The following TAFA5 variants were observed in gnomAD, a reference collection of about 807,000 sequenced individuals.
The protein encoded by TAFA5 is chemokine-like protein TAFA-5.
Under a neutral mutation model 15.3 loss-of-function variants are expected in TAFA5, and 6 were observed. The observed-to-expected ratio is 0.39, with a 90% CI of 0.21 to 0.77. The LOEUF (loss-of-function observed/expected upper bound fraction) is 0.77, where lower values mean the gene tolerates loss of function less well. TAFA5 is among the 30% of genes least tolerant of loss of function. The pLI, the probability that TAFA5 is intolerant of heterozygous loss-of-function variation, is 0.41. For synonymous variants in TAFA5, 103 were observed against 80.7 expected (o/e 1.28, Z -1.48); for missense variants, 161 against 193.1 (o/e 0.83, Z 0.98).
intron 1 of TAFA5, among the ~76,000 whole-genome samples, chr22:48,619,097 A>C (rs28627856): frequency 1.3e-5 from 2 of 152,172 alleles, no homozygotes; most frequent in African/African-American, 4.8e-5. Flanking sequence ...TTCAACCTCC[A>C]TGTCCTGATG....
intron 1 of TAFA5, among the ~76,000 whole-genome samples, chr22:48,524,099 T>G (rs1921698749): frequency 1.3e-5 from 2 of 152,220 alleles, no homozygotes; most frequent in Admixed American, 1.3e-4. Context: ...CTTATTTTAG[T>G]CCATTATGGC....
intron 1 of TAFA5, among the ~76,000 whole-genome samples, chr22:48,557,894 G>A (rs1923095240): frequency 6.6e-6 from 1 of 152,226 alleles, no homozygotes; most frequent in African/African-American, 2.4e-5. Context: ...GTCCCTTGAG[G>A]TCACAATGAG....
rs926521755 is a variant in TAFA5 at position 48,751,486 on chromosome 22, TAA to T, written c.*1646_*1647del. 2.6e-5 allele frequency: 4 copies of T among 152,198 alleles called. No homozygotes were observed. The highest frequency in any genetic ancestry group is 9.7e-5 in the African/African-American group (4 of 41,354). The allele number at this position is 152,198 out of a possible 1,614,324, so 9.4% of individuals were successfully genotyped here. ...GAGTATTATGCTAGTTCTATCCTAC[TAA>T]AAAAAACGTAAAAAAATAACTATAT... is the stretch of plus-strand genomic sequence containing the variant. On this transcript the variant is annotated 3_prime_UTR_variant, in exon 4 of 4. Coordinates refer to ENST00000402357, the MANE Select transcript of TAFA5 (RefSeq NM_001082967.3).
At chr22:48,539,495 G>T (rs552216929) in intron 1 of TAFA5, 2 of 471,072 alleles carry the variant, frequency 4.2e-6, no homozygotes, top group South Asian at 3.1e-5. Flanking sequence ...TCTTAAAGAC[G>T]GAGTTACATT....
chr22:48,638,098 G>T (rs1470059840), intron 1 of TAFA5, among the ~76,000 whole-genome samples: 1 of 152,086 alleles, frequency 6.6e-6, no homozygotes, highest in Non-Finnish European at 1.5e-5. Flanking sequence ...GGGTATCGGG[G>T]GCTCAGGGAA....
intron 1 of TAFA5, among the ~76,000 whole-genome samples, chr22:48,502,757 G>A (rs1484583333): frequency 2.1e-4 from 32 of 152,240 alleles, no homozygotes; most frequent in Non-Finnish European, 3.4e-4. Context: ...CCTGACCTCA[G>A]GTGATCCGCC....
chr22:48,741,215 C>T (rs915391039), intron 3 of TAFA5, among the ~76,000 whole-genome samples: 46 of 152,278 alleles, frequency 3.0e-4, no homozygotes, highest in African/African-American at 1.1e-3. Context: ...TCCTGCCCCC[C>T]GTTCCCACAC....
At chr22:48,732,117 T>G (rs996427420) in intron 3 of TAFA5, among the ~76,000 whole-genome samples, 1 of 152,184 alleles carries the variant, frequency 6.6e-6, no homozygotes, top group African/African-American at 2.4e-5. Context: ...TCACTGCAGA[T>G]GTGATGGAAG....
rs910602763 is a variant in TAFA5 at position 48,490,961 on chromosome 22, C to A, written c.112+1257C>A. ...CCTCCGGAGTCCTGGGACAGCCCAG[C>A]TCGCCAGGATCGCAAGGGAAACCCG... On this transcript the variant is annotated intron_variant, in intron 1 of 3. Coordinates refer to ENST00000402357, the MANE Select transcript of TAFA5 (RefSeq NM_001082967.3). This position sits in a 1 kb window ranked among gnomAD's most constrained non-coding sequence, Gnocchi z 5.8. 6.2e-4 allele frequency among the ~76,000 whole-genome samples: 95 copies of A among 152,286 alleles called. No homozygotes were observed. Among genetic ancestry groups the A allele is most frequent in the African/African-American group, 2.2e-3 (90 of 41,582 alleles).
At chr22:48,588,543 C>A (rs1044704291) in intron 1 of TAFA5, among the ~76,000 whole-genome samples, 2 of 152,174 alleles carry the variant, frequency 1.3e-5, no homozygotes, top group Non-Finnish European at 2.9e-5. Context: ...CTCACCCCGT[C>A]CCCTGTGTTG....
intron 1 of TAFA5, among the ~76,000 whole-genome samples, chr22:48,526,781 G>A (rs1212172441): frequency 6.6e-6 from 1 of 152,254 alleles, no homozygotes; most frequent in Non-Finnish European, 1.5e-5. Context: ...TTCATTGGAA[G>A]AGGGGAATTA....
intron 1 of TAFA5, among the ~76,000 whole-genome samples, chr22:48,619,741 G>A (rs1569050517): frequency 6.6e-6 from 1 of 152,352 alleles, no homozygotes; most frequent in South Asian, 2.1e-4. Context: ...TGGGCGTCAC[G>A]CTGCCTGCCG....
At chr22:48,512,940 A>G (rs867373023) in intron 1 of TAFA5, among the ~76,000 whole-genome samples, 1 of 148,364 alleles carries the variant, frequency 6.7e-6, no homozygotes, top group Non-Finnish European at 1.5e-5. Flanking sequence ...AAAAAAAAAA[A>G]AAAAGAGAGA....
chr22:48,610,409 G>T (rs55792338), intron 1 of TAFA5, among the ~76,000 whole-genome samples: 1 of 152,174 alleles, frequency 6.6e-6, no homozygotes, highest in Non-Finnish European at 1.5e-5. Flanking sequence ...CCTGGCCGGC[G>T]TATAAATAAA....
chr22:48,734,444 A>C (rs1464773885), intron 3 of TAFA5, among the ~76,000 whole-genome samples: 2 of 152,240 alleles, frequency 1.3e-5, no homozygotes, highest in African/African-American at 4.8e-5. Context: ...TCGGGCGTCA[A>C]AGACTTTGGA....
chr22:48,664,631 C>T (rs1411054119), intron 2 of TAFA5, among the ~76,000 whole-genome samples: 1 of 152,188 alleles, frequency 6.6e-6, no homozygotes, highest in Non-Finnish European at 1.5e-5. Flanking sequence ...CCCCTTGGCT[C>T]ACCAGAGCCC....
At chr22:48,512,468 T>C (rs7354801) in intron 1 of TAFA5, among the ~76,000 whole-genome samples, 118,065 of 151,670 alleles carry the variant, frequency 0.78, 46,864 homozygotes, top group Middle Eastern at 0.91. Context: ...ATTAGCCGGG[T>C]GCAGTGGTGG....
chr22:48,523,108 G>C (rs1042806754), intron 1 of TAFA5, among the ~76,000 whole-genome samples: 1 of 152,214 alleles, frequency 6.6e-6, no homozygotes, highest in Non-Finnish European at 1.5e-5. Flanking sequence ...ACTGGTGCCC[G>C]TGTCAAGGCT....
At position 48,731,183 on chromosome 22, in the gene TAFA5, C is replaced by G. The variant is rs573145135; in HGVS notation, c.391-18656C>G. Among the ~76,000 whole-genome samples the G allele has an allele frequency of 7.8e-4, 119 of 152,306 alleles. 2 individuals carry two copies. The South Asian group carries it at 0.023, about 29-fold the overall frequency. ...AATCCAGAGCAAGCCCCAACTCTCTCGAATTCTGTGAAGGCTGAGAGAAGG... is the reference window on the plus strand; with the variant it reads ...AATCCAGAGCAAGCCCCAACTCTCTGGAATTCTGTGAAGGCTGAGAGAAGG... On this transcript the variant is annotated intron_variant, in intron 3 of 3. Transcript: ENST00000402357.
Sources: gnomAD v4.1 joint callset for allele counts (sites outside exome capture counted in the v4.1 genomes callset) on GRCh38, gnomAD v4.1.1 for gene constraint, Gnocchi (gnomAD v3.1) non-coding constraint, MANE v1.5 for transcripts, NCBI Gene and HGNC (gene_info 2026-07-23, HGNC 2026-07-21) for gene names.